The following CREBBP variants were observed in gnomAD, a reference collection of about 807,000 sequenced individuals.
CREBBP encodes the protein CREB binding lysine acetyltransferase, also known as CREB-binding protein.
A neutral mutation model predicts 265.0 loss-of-function variants in CREBBP; 19 were observed. That is an observed-to-expected ratio of 0.07 (90% confidence interval 0.05 to 0.11). CREBBP has a LOEUF of 0.11. Ranked by LOEUF, CREBBP falls within the 10% of genes least tolerant of loss-of-function variation. The probability of loss-of-function intolerance (pLI) is 1.00; values close to 1 mark genes in which losing one functional copy is unlikely to be tolerated. For missense variants in CREBBP, 2,525 were observed against 3,219.0 expected, an observed-to-expected ratio of 0.78 and a Z score of 5.22; for synonymous variants, 1,457 against 1,223.7, an observed-to-expected ratio of 1.19 and a Z score of -3.98.
chr16:3,856,647 C>A lies in CREBBP; in HGVS notation c.86-5638G>T, dbSNP rs190844409. Among the ~76,000 whole-genome samples the A allele has an allele frequency of 4.3e-3, 649 of 152,292 alleles. 5 individuals carry two copies. The highest frequency in any genetic ancestry group is 0.014 in the African/African-American group (597 of 41,554). On this transcript the variant is annotated intron_variant, in intron 1 of 30. Coordinates refer to ENST00000262367, the MANE Select transcript of CREBBP (RefSeq NM_004380.3). ...TAACTACTTTTAAAAATGCAGTGTT[C>A]CTTAACTGATGAGCATGAAAATGAA...
At chr16:3,828,628 C>T (rs2054284721) in intron 2 of CREBBP, among the ~76,000 whole-genome samples, 3 of 152,138 alleles carry the variant, frequency 2.0e-5, no homozygotes, top group Admixed American at 2.0e-4. Flanking sequence ...GACCCACACA[C>T]AGAAAATAAG....
chr16:3,822,142 A>G (rs1388210989), intron 2 of CREBBP, among the ~76,000 whole-genome samples: 3 of 152,196 alleles, frequency 2.0e-5, no homozygotes, highest in Non-Finnish European at 4.4e-5. Flanking sequence ...GAGGGCCTCA[A>G]TAAGTCACCT....
intron 2 of CREBBP, among the ~76,000 whole-genome samples, chr16:3,844,376 TA>T (rs1436531854): frequency 5.3e-5 from 8 of 152,158 alleles, no homozygotes; most frequent in African/African-American, 1.9e-4. Context: ...CCTACACAGA[TA>T]ATCTGTCACA....
chr16:3,753,317 T>C (rs148513970), intron 19 of CREBBP, among the ~76,000 whole-genome samples: 1 of 152,362 alleles, frequency 6.6e-6, no homozygotes, highest in East Asian at 1.9e-4. Flanking sequence ...ATTTTGTCTG[T>C]TGTATTTCAC....
chr16:3,766,549 C>T (rs12103371), intron 16 of CREBBP, among the ~76,000 whole-genome samples: 16,136 of 150,230 alleles, frequency 0.11, 1,974 homozygotes, highest in African/African-American at 0.29. Flanking sequence ...TTTCAGACAA[C>T]AATCTCACTT....
intron 21 of CREBBP, among the ~76,000 whole-genome samples, chr16:3,747,573 A>G (rs1160230227): frequency 6.6e-6 from 1 of 152,140 alleles, no homozygotes; most frequent in Non-Finnish European, 1.5e-5. Context: ...GTCTCTCTAG[A>G]CTACAACCAG....
chr16:3,729,252 G>A lies in CREBBP; in HGVS notation c.5795C>T (p.Thr1932Met), dbSNP rs867074201. Residue 1932 changes from threonine to methionine, a missense_variant, in exon 31 of 31, where the codon ACG (threonine) becomes ATG (methionine). Physicochemically the swap from Thr to Met is moderately conservative, Grantham distance 81. Coordinates refer to ENST00000262367, the MANE Select transcript of CREBBP (RefSeq NM_004380.3). ...GCTGGTAGGCTTCCCTGTGGACACC[G>A]TGGTGGGGGGCTGAGTCCGGGCCAC... ...PSVARTQPPT[T>M]VSTGKPTSQV... 7.8e-6 allele frequency: 12 copies of A among 1,528,758 alleles called. No individual in the cohort carries two copies. Among genetic ancestry groups the A allele is most frequent in the African/African-American group, 1.4e-5 (1 of 72,778 alleles). The allele number at this position is 1,528,758 out of a possible 1,614,324, so 94.7% of individuals were successfully genotyped here. A position where few individuals can be genotyped will look rare whatever the true frequency, so the allele number is the denominator to read the frequency against.
chr16:3,880,549 G>T lies in CREBBP; in HGVS notation c.-633C>A. The T allele has an allele frequency of 6.9e-6, 1 of 145,834 alleles. No homozygotes were observed. The highest frequency in any genetic ancestry group is 1.9e-4 in the South Asian group (1 of 5,390). The allele number at this position is 145,834 out of a possible 1,614,324, so 9.0% of individuals were successfully genotyped here. On this transcript the variant is annotated 5_prime_UTR_variant, in exon 1 of 31. Transcript: ENST00000262367. ...GCTCCGGGAGGCCGAGCCGAGAGGCGAGCGGGGCCGCCGGGGCGGGCGCCG... is the reference window on the plus strand; with the variant it reads ...GCTCCGGGAGGCCGAGCCGAGAGGCTAGCGGGGCCGCCGGGGCGGGCGCCG...
At position 3,725,952 on chromosome 16, in the gene CREBBP, TCA is replaced by T; in HGVS notation, c.*1764_*1765del. ...AGCTCCCCTGCCCATGGTCCTCCTC[TCA>T]GTTTTACGGTTTTTGTGAACTTGTC... On this transcript the variant is annotated 3_prime_UTR_variant, in exon 31 of 31. Coordinates refer to ENST00000262367, the MANE Select transcript of CREBBP (RefSeq NM_004380.3). 1 of 233,154 alleles carries T rather than the reference TCA, an allele frequency of 4.3e-6. No individual in the cohort carries two copies. The allele number at this position is 233,154 out of a possible 1,614,324, so 14.4% of individuals were successfully genotyped here.
At chr16:3,863,683 A>G (rs1399591407) in intron 1 of CREBBP, among the ~76,000 whole-genome samples, 3 of 152,216 alleles carry the variant, frequency 2.0e-5, no homozygotes, top group Admixed American at 6.5e-5. Context: ...TGTCCTGGAA[A>G]TGCAGCCAAG....
intron 2 of CREBBP, among the ~76,000 whole-genome samples, chr16:3,849,516 A>G (rs1407206017): frequency 1.3e-5 from 1 of 74,074 alleles, no homozygotes; most frequent in Non-Finnish European, 2.4e-5. Flanking sequence ...AGCCACCTGG[A>G]GGCTGCTGCT....
chr16:3,805,115 T>G (rs1172197321), intron 3 of CREBBP, among the ~76,000 whole-genome samples: 2 of 152,246 alleles, frequency 1.3e-5, no homozygotes, highest in East Asian at 3.8e-4. Context: ...TAAGTTTGAA[T>G]AGAAGATTTA....
intron 1 of CREBBP, among the ~76,000 whole-genome samples, chr16:3,867,610 G>C (rs1395778951): frequency 1.3e-5 from 2 of 151,866 alleles, no homozygotes; most frequent in African/African-American, 2.4e-5. Flanking sequence ...TAAAAAAGAA[G>C]ACTTAATTAA....
chr16:3,733,588 C>T (rs986174740), intron 28 of CREBBP, among the ~76,000 whole-genome samples: 3 of 152,134 alleles, frequency 2.0e-5, no homozygotes, highest in African/African-American at 4.8e-5. Flanking sequence ...GGAGAAACTG[C>T]GTGCTGCAAT....
chr16:3,820,997 C>A (rs1303599231), intron 2 of CREBBP, among the ~76,000 whole-genome samples: 2 of 152,186 alleles, frequency 1.3e-5, no homozygotes, highest in East Asian at 3.9e-4. Context: ...ACGCTGGTTC[C>A]CCAAGGTGCA....
At chr16:3,873,098 G>A (rs1404551414) in intron 1 of CREBBP, among the ~76,000 whole-genome samples, 1 of 152,196 alleles carries the variant, frequency 6.6e-6, no homozygotes, top group Non-Finnish European at 1.5e-5. Flanking sequence ...AGTACTCACA[G>A]GCATCTATCA....
chr16:3,768,956 T>A (rs2052930800), intron 15 of CREBBP, among the ~76,000 whole-genome samples: 1 of 152,178 alleles, frequency 6.6e-6, no homozygotes, highest in Non-Finnish European at 1.5e-5. Flanking sequence ...AAGCCAGTAT[T>A]CTTCATTTCG....
chr16:3,736,591 C>T (rs2151328852), intron 27 of CREBBP, 59 bp downstream of exon 27: 1 of 1,610,340 alleles, frequency 6.2e-7, no homozygotes, highest in Non-Finnish European at 8.5e-7. Context: ...GAAAAAGGCA[C>T]ACAAATATCC....
chr16:3,815,964 TGTTCA>T (rs1356755247), intron 2 of CREBBP, among the ~76,000 whole-genome samples: 9 of 152,172 alleles, frequency 5.9e-5, no homozygotes, highest in African/African-American at 1.2e-4. Context: ...AATAGGCAAC[TGTTCA>T]GTTAATAGTA....
Sources: gnomAD v4.1 joint callset for allele counts (sites outside exome capture counted in the v4.1 genomes callset) on GRCh38, gnomAD v4.1.1 for gene constraint, MANE v1.5 for transcripts, NCBI Gene and HGNC (gene_info 2026-07-23, HGNC 2026-07-21) for gene names.